The following USP10 variants were observed in gnomAD, a reference collection of about 807,000 sequenced individuals.
USP10 encodes the protein ubiquitin specific peptidase 10.
A neutral mutation model predicts 84.5 loss-of-function variants in USP10; 22 were observed. The ratio of observed to expected loss-of-function variants is 0.26; its 90% CI spans 0.19 to 0.37. The LOEUF (loss-of-function observed/expected upper bound fraction) is 0.37. Among genes scored for constraint, USP10 ranks in the 10% least tolerant of loss-of-function variants. The pLI is 1.00. For synonymous variants in USP10, 454 were observed against 387.6 expected, an observed-to-expected ratio of 1.17 and a Z score of -2.01; for missense variants, 1,019 against 998.9, an observed-to-expected ratio of 1.02 and a Z score of -0.27.
At chr16:84,703,107 G>T (rs1354258591) in intron 1 of USP10, among the ~76,000 whole-genome samples, 4 of 151,660 alleles carry the variant, frequency 2.6e-5, no homozygotes, top group South Asian at 2.1e-4. Context: ...CCTGTTACCT[G>T]TATTGAAGTG....
intron 4 of USP10, among the ~76,000 whole-genome samples, chr16:84,750,974 C>A (rs2150833577): frequency 6.6e-6 from 1 of 152,276 alleles, no homozygotes; most frequent in South Asian, 2.1e-4. Context: ...CAATTTGGGT[C>A]TTCTCTAATG....
At chr16:84,736,099 G>A (rs1434094178) in intron 2 of USP10, among the ~76,000 whole-genome samples, 1 of 147,224 alleles carries the variant, frequency 6.8e-6, no homozygotes, top group African/African-American at 2.5e-5. Flanking sequence ...TGTGAGTGGC[G>A]AGGGGAGGGC....
chr16:84,704,720 A>G (rs564226063), intron 1 of USP10: 2 of 1,502,962 alleles, frequency 1.3e-6, no homozygotes, highest in Non-Finnish European at 1.8e-6. Flanking sequence ...TGAACTGGCT[A>G]TTTTCTGGCT....
In USP10 at chr16:84,772,511, C is replaced by T. The variant is rs376487293; in HGVS notation, c.1999-30C>T. The T allele has an allele frequency of 8.3e-5, 133 of 1,611,612 alleles. 1 individual carries two copies. The highest frequency in any genetic ancestry group is 4.0e-4 in the East Asian group (18 of 44,878). ...TTAGCTGTTGCAAGTAAGACAGGGACGGTGTGTCCTGGTGTGCTTTGTGTC... is the reference window on the plus strand; with the variant it reads ...TTAGCTGTTGCAAGTAAGACAGGGATGGTGTGTCCTGGTGTGCTTTGTGTC... On this transcript the variant is annotated intron_variant, in intron 11 of 13. Coordinates refer to ENST00000219473, the MANE Select transcript of USP10 (RefSeq NM_005153.3).
intron 2 of USP10, among the ~76,000 whole-genome samples, chr16:84,738,095 C>T (rs78163285): frequency 3.8e-5 from 2 of 53,264 alleles, no homozygotes; most frequent in East Asian, 2.8e-3. Flanking sequence ...CAGCTCTCTG[C>T]CTTGTGAAGT....
intron 1 of USP10, among the ~76,000 whole-genome samples, chr16:84,706,276 C>A (rs917858806): frequency 3.3e-5 from 5 of 151,968 alleles, no homozygotes; most frequent in Non-Finnish European, 7.4e-5. Flanking sequence ...AAATGAAGTT[C>A]AATTCTAGAG....
chr16:84,764,089 T>G lies in USP10; in HGVS notation c.1658T>G (p.Leu553Arg). Residue 553 changes from leucine to arginine, a missense_variant, in exon 10 of 14, where the codon CTT becomes CGT. Around this residue, in one of 2 missense-constraint regions of USP10, gnomAD observed 787 missense variants for 708.8 expected, o/e 1.11. Coordinates refer to ENST00000219473, the MANE Select transcript of USP10 (RefSeq NM_005153.3). ...AAGCAGATGCTCTCCTTTTCAGAAC[T>G]TACGATTTCCAACGGCCCCAAAAAC... ...KKLLSPSNEK[L>R]TISNGPKNHS... 2 of 1,612,616 alleles carry G rather than the reference T, an allele frequency of 1.2e-6. No individual in the cohort carries two copies. Among genetic ancestry groups the G allele is most frequent in the South Asian group, 2.2e-5 (2 of 90,992 alleles).
chr16:84,731,528 A>G lies in USP10; in HGVS notation c.22-1907A>G, dbSNP rs917371140. On this transcript the variant is annotated intron_variant, in intron 1 of 13. Coordinates refer to ENST00000219473, the MANE Select transcript of USP10 (RefSeq NM_005153.3). ...GCAGTTTCCTTTCCTCCCCCCAAGA[A>G]AAAGGTGTATGTGACAGAAAGTGTT... is the stretch of plus-strand genomic sequence containing the variant. Among the ~76,000 whole-genome samples the G allele has an allele frequency of 3.9e-5, 6 of 151,978 alleles. No homozygotes were observed. The East Asian group carries it at 1.2e-3, about 29-fold the overall frequency.
chr16:84,758,782 A>G lies in USP10; in HGVS notation c.1259A>G (p.Lys420Arg). The G allele has an allele frequency of 1.2e-6, 2 of 1,613,760 alleles. No individual in the cohort carries two copies. The highest frequency in any genetic ancestry group is 1.7e-6 in the Non-Finnish European group (2 of 1,179,636). The change falls in exon 5 of 14, where the codon AAA becomes AGA. Residue 420 changes from lysine to arginine, a missense_variant. By Grantham distance (26) the Lys-to-Arg change is conservative. Transcript: ENST00000219473. ...VSLQPRGLIN[K>R]GNWCYINATL... is the part of the protein sequence containing the mutation. ...TTGCAACCCCGTGGGCTGATCAATAAAGGGAACTGGTGCTACATTAATGCT... is the reference window on the plus strand; with the variant it reads ...TTGCAACCCCGTGGGCTGATCAATAGAGGGAACTGGTGCTACATTAATGCT...
chr16:84,701,228 G>C (rs936598844), intron 1 of USP10, among the ~76,000 whole-genome samples: 4 of 152,172 alleles, frequency 2.6e-5, no homozygotes, highest in African/African-American at 9.7e-5. Context: ...GCGTGTTGTG[G>C]AATCTAAAAT....
At chr16:84,715,303 A>G (rs1906868414) in intron 1 of USP10, among the ~76,000 whole-genome samples, 1 of 152,224 alleles carries the variant, frequency 6.6e-6, no homozygotes, top group African/African-American at 2.4e-5. Flanking sequence ...GTAGATATCC[A>G]GGAAGATAAC....
intron 1 of USP10, among the ~76,000 whole-genome samples, chr16:84,724,865 G>A (rs771503999): frequency 7.2e-5 from 11 of 152,268 alleles, no homozygotes; most frequent in Non-Finnish European, 1.2e-4. Context: ...ATCTCCAGAT[G>A]TCCTCAGAAC....
In USP10 at chr16:84,768,692, A is replaced by G. The variant is rs114576342; in HGVS notation, c.1998+334A>G. On this transcript the variant is annotated intron_variant, in intron 11 of 13. Transcript: ENST00000219473. Reference sequence around the variant, plus strand: ...GCCAAATAGCTTATTTATGTTCATGATACCGTAGGGTACAACTGTCATTAG... The same window carrying G: ...GCCAAATAGCTTATTTATGTTCATGGTACCGTAGGGTACAACTGTCATTAG... 8.2e-3 allele frequency among the ~76,000 whole-genome samples: 1,247 copies of G among 152,310 alleles called. 9 individuals carry two copies. Among genetic ancestry groups the G allele is most frequent in the African/African-American group, 0.029 (1,188 of 41,564 alleles).
At position 84,760,227 on chromosome 16, in the gene USP10, A is replaced by G. The variant is rs754095920; in HGVS notation, c.1506A>G (p.Thr502=). The G allele has an allele frequency of 1.1e-5, 18 of 1,611,342 alleles. No individual in the cohort carries two copies. In the Admixed American group the frequency reaches 1.7e-4, roughly 15 times the overall value. Residue 502 remains threonine, a synonymous_variant, in exon 8 of 14, where the codon ACA becomes ACG. Coordinates refer to ENST00000219473, the MANE Select transcript of USP10 (RefSeq NM_005153.3). ...GCCCTGGAGCTGCCTTTGAGCCCAC[A>G]TATATTTACAGACTCCTGACAGTTA... is the stretch of plus-strand genomic sequence containing the variant. ...DIRPGAAFEP[T]YIYRLLTVNK...
chr16:84,701,149 C>T (rs1904812614), intron 1 of USP10, among the ~76,000 whole-genome samples: 2 of 152,148 alleles, frequency 1.3e-5, no homozygotes, highest in African/African-American at 4.8e-5. Flanking sequence ...TTTTGTTGCC[C>T]TTCTGCAGAT....
intron 1 of USP10, among the ~76,000 whole-genome samples, chr16:84,706,327 A>G (rs1274105148): frequency 6.6e-6 from 1 of 152,112 alleles, no homozygotes; most frequent in African/African-American, 2.4e-5. Flanking sequence ...CTTCTGATAC[A>G]TTAAAACAAT....
intron 8 of USP10, among the ~76,000 whole-genome samples, chr16:84,761,209 C>G (rs1040178431): frequency 6.6e-6 from 1 of 152,134 alleles, no homozygotes; most frequent in South Asian, 2.1e-4. Flanking sequence ...CACAAAGATA[C>G]AGAGATGCCT....
At chr16:84,773,785 C>T (rs759575330) in intron 12 of USP10, among the ~76,000 whole-genome samples, 80 of 152,258 alleles carry the variant, frequency 5.3e-4, no homozygotes, top group Middle Eastern at 3.4e-3. Flanking sequence ...CCTGGAATGC[C>T]GGCTAAGTCA....
chr16:84,729,441 T>G (rs1322548403), intron 1 of USP10, among the ~76,000 whole-genome samples: 1 of 152,234 alleles, frequency 6.6e-6, no homozygotes, highest in Non-Finnish European at 1.5e-5. Flanking sequence ...ATGTGGTTAT[T>G]GGGTTGTATC....
Sources: allele counts gnomAD v4.1 joint callset (sites outside exome capture counted in the v4.1 genomes callset), GRCh38; gene constraint gnomAD v4.1.1; regional missense constraint gnomAD v4.1.1; transcripts MANE v1.5; gene names NCBI Gene and HGNC (gene_info 2026-07-23, HGNC 2026-07-21).